The following LZTR1 variants were observed in gnomAD, a reference collection of about 807,000 sequenced individuals.
The protein encoded by LZTR1 is leucine zipper like post translational regulator 1.
Under a neutral mutation model 105.7 loss-of-function variants are expected in LZTR1, and 260 were observed. That is an observed-to-expected ratio of 2.46 (90% confidence interval 2.22 to 2.72). The LOEUF is 2.72. Among genes scored for constraint, LZTR1 ranks in the 30% most tolerant of loss-of-function variants. LZTR1 has a pLI of 0.00. For synonymous variants in LZTR1, 490 were observed against 476.4 expected, an observed-to-expected ratio of 1.03 and a Z score of -0.37; for missense variants, 1,214 against 1,166.9, an observed-to-expected ratio of 1.04 and a Z score of -0.59.
At position 20,997,690 on chromosome 22, in the gene LZTR1, G is replaced by C; in HGVS notation, c.*342G>C. 4.5e-6 allele frequency: 1 copy of C among 222,260 alleles called. No individual in the cohort carries two copies. The highest frequency in any genetic ancestry group is 9.1e-6 in the Non-Finnish European group (1 of 109,784). 13.8% of individuals were successfully genotyped at this position (222,260 alleles called of 1,614,324 possible). A position where few individuals can be genotyped will look rare whatever the true frequency, so the allele number is the denominator to read the frequency against. On this transcript the variant is annotated 3_prime_UTR_variant, in exon 21 of 21. Transcript: ENST00000646124. ...CTCCCACCCAGTGGGGCTTGGCCTG[G>C]CTTCTGTGGCCTGGGCGTGTTGTGG...
rs779077819 is a variant in LZTR1 at position 20,996,723 on chromosome 22, C to A, written c.2247C>A (p.Tyr749Ter). 6.8e-6 allele frequency: 11 copies of A among 1,613,576 alleles called. No individual in the cohort carries two copies. Among genetic ancestry groups the A allele is most frequent in the South Asian group, 2.2e-5 (2 of 91,072 alleles). The change falls in exon 19 of 21, where the codon TAC (tyrosine) becomes TAA (stop). Residue 749 changes from tyrosine (Y) to a stop codon, truncating the protein, a stop_gained. Transcript: ENST00000646124. LOFTEE classifies it high-confidence loss of function. ...ACTTGTTTGCGGCCCCCTACTACTA[C>A]GGCTTCTACAACAACCGGCTGCAGG... is the stretch of plus-strand genomic sequence containing the variant. ...SLYLFAAPYY[Y>*]GFYNNRLQAY...
In LZTR1 at chr22:20,994,282, G is replaced by T; in HGVS notation, c.1615+13G>T. On this transcript the variant is annotated intron_variant, in intron 14 of 20. Coordinates refer to ENST00000646124, the MANE Select transcript of LZTR1 (RefSeq NM_006767.4). ...TACCCACGGAAAGGTCCGCCTGGGT[G>T]GGGGTGGAGCAGGGTTGGTGTGGGC... 3 of 1,596,364 alleles carry T rather than the reference G, an allele frequency of 1.9e-6. No individual in the cohort carries two copies. Among genetic ancestry groups the T allele is most frequent in the Non-Finnish European group, 2.5e-6 (3 of 1,178,436 alleles).
intron 2 of LZTR1, among the ~76,000 whole-genome samples, chr22:20,985,407 GAA>G: frequency 6.6e-6 from 1 of 152,242 alleles, no homozygotes; most frequent in African/African-American, 2.4e-5. Flanking sequence ...AGATCAGAGA[GAA>G]GCAAAGGGCC....
rs1433699778 is a variant in LZTR1 at position 20,997,444 on chromosome 22, G to GTGCGCATGCCTATGGCAGTGGT, written c.*99_*100insGCATGCCTATGGCAGTGGTTGC. The GTGCGCATGCCTATGGCAGTGGT allele has an allele frequency of 2.1e-6, 2 of 966,262 alleles. No individual in the cohort carries two copies. Among genetic ancestry groups the GTGCGCATGCCTATGGCAGTGGT allele is most frequent in the African/African-American group, 3.2e-5 (2 of 62,666 alleles). 59.9% of individuals were successfully genotyped at this position (966,262 alleles called of 1,614,324 possible). ...GCTATGCGCATGCCTATGGCAGTGG[G>GTGCGCATGCCTATGGCAGTGGT]TGCACCTGCCAGGCCAAGGGTCAGG... On this transcript the variant is annotated 3_prime_UTR_variant, in exon 21 of 21. Transcript: ENST00000646124.
intron 11 of LZTR1, 90 bp from the exon 12 acceptor site, chr22:20,993,572 C>T: frequency 9.2e-7 from 1 of 1,082,058 alleles, no homozygotes; most frequent in Non-Finnish European, 1.4e-6. Context: ...TCAGCATGGG[C>T]CAGGTGGGGA....
chr22:20,991,883 C>T (rs1569156118), intron 9 of LZTR1, 54 bp downstream of exon 9: 2 of 1,468,792 alleles, frequency 1.4e-6, no homozygotes, highest in East Asian at 5.0e-5. Context: ...GTAGCTCCTA[C>T]CCTGCTCCCA....
At position 20,992,834 on chromosome 22, in the gene LZTR1, C is replaced by T. The variant is rs1241079044; in HGVS notation, c.1190C>T (p.Ser397Leu). 1.4e-5 allele frequency: 23 copies of T among 1,608,904 alleles called. No homozygotes were observed. The highest frequency in any genetic ancestry group is 2.2e-5 in the East Asian group (1 of 44,778). ...GRLFHAAAVISDAMYIFGGTV... is the reference protein window; with the variant it reads ...GRLFHAAAVILDAMYIFGGTV... ...CTCTTCCACGCGGCTGCTGTCATCTCGGACGCCATGTACATCTTCGGGGGC... is the reference window on the plus strand; with the variant it reads ...CTCTTCCACGCGGCTGCTGTCATCTTGGACGCCATGTACATCTTCGGGGGC... Residue 397 changes from serine (S) to leucine (L), a missense_variant, in exon 11 of 21, where the codon TCG (serine) becomes TTG (leucine). Ser to Leu is a moderately radical substitution (Grantham distance 145). Coordinates refer to ENST00000646124, the MANE Select transcript of LZTR1 (RefSeq NM_006767.4).
intron 16 of LZTR1, 200 bp from the exon 17 acceptor site, chr22:20,995,545 TG>T: frequency 2.7e-6 from 2 of 734,652 alleles, no homozygotes. Flanking sequence ...GGGCTGTGCG[TG>T]GGGCATAGTG....
chr22:20,986,251 T>C (rs183917669), intron 3 of LZTR1: 135 of 203,318 alleles, frequency 6.6e-4, no homozygotes, highest in African/African-American at 3.0e-3. Flanking sequence ...ATTTAAAAAA[T>C]CATTCTGAAG....
chr22:20,982,822 A>G (rs1784685337), intron 1 of LZTR1, among the ~76,000 whole-genome samples: 1 of 152,080 alleles, frequency 6.6e-6, no homozygotes, highest in African/African-American at 2.4e-5. Flanking sequence ...AGGTGCTCTG[A>G]GGTGGGGTGA....
chr22:20,995,056 G>A (rs1268891001), intron 16 of LZTR1, 30 bp downstream of exon 16: 7 of 1,586,580 alleles, frequency 4.4e-6, no homozygotes, highest in Non-Finnish European at 6.0e-6. Flanking sequence ...TTCCCTGGGG[G>A]CTGGGAGGGA....
rs752556308 is a variant in LZTR1 at position 20,987,998 on chromosome 22, C to T, written c.401-12C>T. 2.5e-5 allele frequency: 38 copies of T among 1,507,846 alleles called. No homozygotes were observed. Among genetic ancestry groups the T allele is most frequent in the Non-Finnish European group, 3.4e-5 (37 of 1,086,056 alleles). The allele number at this position is 1,507,846 out of a possible 1,614,324, so 93.4% of individuals were successfully genotyped here. ...CCTTTGGGTTTGACAGTTTCTCACT[C>T]TCTTTACTCAGGGGGTTACACTGGG... On this transcript the variant is annotated splice_polypyrimidine_tract_variant and intron_variant, in intron 4 of 20. Transcript: ENST00000646124.
Position 20,994,118 on chromosome 22 carries a change from G to A in LZTR1, c.1464G>A (p.Glu488=), listed in dbSNP as rs1269571093. The change falls in exon 14 of 21, where the codon GAG becomes GAA. Residue 488 remains glutamate, a synonymous_variant. Transcript: ENST00000646124. ...TCTCCCCACAGAAGCTGGAGCAGGA[G>A]GCCGCCCCAGTTCCCAGGGAGGCCC... ...RERLAQKLEQ[E]AAPVPREAPG... 1 of 1,581,232 alleles carries A rather than the reference G, an allele frequency of 6.3e-7. No homozygotes were observed. The highest frequency in any genetic ancestry group is 2.3e-5 in the East Asian group (1 of 43,486).
chr22:20,990,244 C>T (rs1924552787), intron 7 of LZTR1, 142 bp from the exon 8 acceptor site: 3 of 936,190 alleles, frequency 3.2e-6, no homozygotes, highest in African/African-American at 1.6e-5. Flanking sequence ...GGGCTATGAG[C>T]TGTTCCAAGA....
intron 2 of LZTR1, 30 bp from the exon 3 acceptor site, chr22:20,985,811 A>C: frequency 1.2e-6 from 2 of 1,612,728 alleles, no homozygotes; most frequent in South Asian, 1.1e-5. Context: ...GACCTGGCTA[A>C]TGCCACCCTC....
intron 16 of LZTR1, chr22:20,995,542 G>A (rs1195859108): frequency 2.7e-6 from 2 of 733,322 alleles, no homozygotes; most frequent in Non-Finnish European, 5.0e-6. Context: ...GGTGGGCTGT[G>A]CGTGGGGCAT....
At chr22:20,987,690 C>A in intron 4 of LZTR1, 107 bp downstream of exon 4, 1 of 1,027,394 alleles carries the variant, frequency 9.7e-7, no homozygotes, top group Non-Finnish European at 1.5e-6. Context: ...ACAGCAGGGG[C>A]TCTCTCTCCA....
At position 20,997,221 on chromosome 22, in the gene LZTR1, T is replaced by A. The variant is rs754460529; in HGVS notation, c.2407-11T>A. On this transcript the variant is annotated splice_polypyrimidine_tract_variant and intron_variant, in intron 20 of 20. Transcript: ENST00000646124. The stretch of plus-strand genomic sequence containing the variant: ...CTGGTCCCATCTCCTTCCGGCCTGC[T>A]TGCCTTACAGGTCTCCAAGTTGCCC... The A allele has an allele frequency of 3.8e-6, 6 of 1,587,014 alleles. No homozygotes were observed. The South Asian group carries it at 6.6e-5, about 18-fold the overall frequency.
rs1036006344 is a variant in LZTR1 at position 20,982,624 on chromosome 22, C to T, written c.200+53C>T. 1.9e-6 allele frequency: 3 copies of T among 1,568,472 alleles called. No homozygotes were observed. In the East Asian group the frequency reaches 6.9e-5, roughly 36 times the overall value. ...GACAGGAAGGGCGATCTGCGAGGGT[C>T]CCAGGGCGGGTCCAGGGGCGAAGCC... On this transcript the variant is annotated intron_variant, in intron 1 of 20. Coordinates refer to ENST00000646124, the MANE Select transcript of LZTR1 (RefSeq NM_006767.4).
Sources: gnomAD v4.1 joint callset for allele counts (sites outside exome capture counted in the v4.1 genomes callset) on GRCh38, gnomAD v4.1.1 for gene constraint, MANE v1.5 for transcripts, NCBI Gene and HGNC (gene_info 2026-07-23, HGNC 2026-07-21) for gene names.